Variants in SPATA6 observed in about 807,000 individuals in gnomAD.
SPATA6 encodes the protein spermatogenesis-associated protein 6.
A neutral mutation model predicts 65.3 loss-of-function variants in SPATA6; 56 were observed. That is an observed-to-expected ratio of 0.86 (90% confidence interval 0.69 to 1.07). The LOEUF is 1.07. SPATA6 is among the 50% of genes least tolerant of loss of function. SPATA6 has a pLI of 0.00. For missense variants in SPATA6, 590 were observed against 594.8 expected (o/e 0.99, Z 0.08); for synonymous variants, 199 against 213.2 (o/e 0.93, Z 0.58).
At chr1:48,427,781 G>A (rs1653978911) in intron 3 of SPATA6, among the ~76,000 whole-genome samples, 1 of 152,136 alleles carries the variant, frequency 6.6e-6, no homozygotes, top group African/African-American at 2.4e-5. Context: ...ACTGCATGAT[G>A]CTGAGGTATG....
intron 9 of SPATA6, among the ~76,000 whole-genome samples, chr1:48,377,061 C>T (rs1315765128): frequency 2.0e-5 from 3 of 152,078 alleles, no homozygotes; most frequent in Non-Finnish European, 4.4e-5. Context: ...ATCTCTACGG[C>T]TATCACCCTC....
At chr1:48,281,342 G>T in the SPATA6 span, among the ~76,000 whole-genome samples, 76 of 151,530 alleles carry the variant, frequency 5.0e-4, no homozygotes, top group African/African-American at 1.7e-3. Context: ...AGGGCAATTA[G>T]GCAGGAGAAG....
intron 11 of SPATA6, chr1:48,325,067 G>T: frequency 2.8e-6 from 1 of 357,578 alleles, no homozygotes; most frequent in South Asian, 5.7e-5. Flanking sequence ...ATTTCTCCAT[G>T]ACCAAAAATA....
At position 48,411,570 on chromosome 1, in the gene SPATA6, G is replaced by T; in HGVS notation, c.299C>A (p.Thr100Lys). 1 of 1,601,130 alleles carries T rather than the reference G, an allele frequency of 6.2e-7. No homozygotes were observed. Among genetic ancestry groups the T allele is most frequent in the Non-Finnish European group, 8.5e-7 (1 of 1,174,256 alleles). Residue 100 changes from threonine (T) to lysine (K), a missense_variant, in exon 5 of 13, where the codon ACG (threonine) becomes AAG (lysine). Coordinates refer to ENST00000371847, the MANE Select transcript of SPATA6 (RefSeq NM_019073.4). ...LVPPVGETLS[T>K]YDENTRDFMF... ...GAAATCTCGTGTATTTTCGTCATAC[G>T]TAGACAGTGTTTCACCCACTACAAG...
intron 9 of SPATA6, among the ~76,000 whole-genome samples, chr1:48,367,527 A>G (rs1647063732): frequency 6.6e-6 from 1 of 152,174 alleles, no homozygotes; most frequent in South Asian, 2.1e-4. Flanking sequence ...TTCTTGTTGA[A>G]TTGATCCCTT....
chr1:48,435,701 G>T (rs894088813), intron 3 of SPATA6, among the ~76,000 whole-genome samples: 2 of 152,164 alleles, frequency 1.3e-5, no homozygotes, highest in Admixed American at 6.5e-5. Context: ...AAAACGCACC[G>T]AGAGTTCCAA....
At chr1:48,368,418 A>T (rs1342109249) in intron 9 of SPATA6, among the ~76,000 whole-genome samples, 1 of 152,168 alleles carries the variant, frequency 6.6e-6, no homozygotes, top group African/African-American at 2.4e-5. Context: ...TCTCCCCGTC[A>T]CTTTCAGGTA....
At chr1:48,464,296 CAT>C (rs1657655051) in intron 1 of SPATA6, among the ~76,000 whole-genome samples, 1 of 152,060 alleles carries the variant, frequency 6.6e-6, no homozygotes, top group Non-Finnish European at 1.5e-5. Context: ...TAGCCATCAA[CAT>C]AAAGACAAGG....
At chr1:48,340,448 T>C (rs1323610055) in intron 11 of SPATA6, among the ~76,000 whole-genome samples, 1 of 151,480 alleles carries the variant, frequency 6.6e-6, no homozygotes, top group Non-Finnish European at 1.5e-5. Context: ...TCAATAACTT[T>C]AAAGAGGAAG....
At chr1:48,407,990 C>T (rs1386184872) in intron 5 of SPATA6, among the ~76,000 whole-genome samples, 1 of 152,162 alleles carries the variant, frequency 6.6e-6, no homozygotes, top group African/African-American at 2.4e-5. Flanking sequence ...TATGTTTCCA[C>T]ACAGATCTTG....
intron 11 of SPATA6, among the ~76,000 whole-genome samples, chr1:48,354,261 T>G (rs551663844): frequency 2.0e-5 from 3 of 152,160 alleles, no homozygotes; most frequent in African/African-American, 7.2e-5. Flanking sequence ...AGGGAGGATG[T>G]GAAACAAGTA....
chr1:48,393,469 T>A (rs74886730), intron 8 of SPATA6, among the ~76,000 whole-genome samples: 2 of 152,136 alleles, frequency 1.3e-5, no homozygotes, highest in Admixed American at 6.5e-5. Flanking sequence ...AAAAGAGGCA[T>A]GGCAGCTGAA....
chr1:48,360,473 G>C (rs567970730), intron 9 of SPATA6, among the ~76,000 whole-genome samples: 7 of 152,058 alleles, frequency 4.6e-5, no homozygotes, highest in Non-Finnish European at 7.4e-5. Context: ...AAGACCGTAA[G>C]ACCTAAGTCA....
chr1:48,263,864 T>G, the SPATA6 span, among the ~76,000 whole-genome samples: 1 of 152,204 alleles, frequency 6.6e-6, no homozygotes, highest in Non-Finnish European at 1.5e-5. Context: ...TCTCACTCTG[T>G]TGCCCAGGCT....
intron 3 of SPATA6, chr1:48,435,926 G>C: frequency 6.4e-7 from 1 of 1,560,520 alleles, no homozygotes; most frequent in South Asian, 1.1e-5. Flanking sequence ...CTTTGGAATA[G>C]ATGGATTTTT....
chr1:48,357,827 G>A (rs751814964), intron 10 of SPATA6, among the ~76,000 whole-genome samples: 28 of 151,966 alleles, frequency 1.8e-4, no homozygotes, highest in Non-Finnish European at 2.9e-5. Context: ...CAAATCAAAG[G>A]TGTTCTGCTT....
At chr1:48,376,670 T>C (rs1488118481) in intron 9 of SPATA6, among the ~76,000 whole-genome samples, 1 of 152,144 alleles carries the variant, frequency 6.6e-6, no homozygotes, top group African/African-American at 2.4e-5. Context: ...AAGTATGCAT[T>C]GCTTAACAAT....
chr1:48,263,444 C>T, the SPATA6 span, among the ~76,000 whole-genome samples: 1 of 151,940 alleles, frequency 6.6e-6, no homozygotes, highest in East Asian at 1.9e-4. Context: ...ATTGTCAATA[C>T]CCACCGATGT....
At chr1:48,308,077 A>G (rs1645105729) in intron 11 of SPATA6, among the ~76,000 whole-genome samples, 1 of 151,950 alleles carries the variant, frequency 6.6e-6, no homozygotes, top group Non-Finnish European at 1.5e-5. Context: ...AATATTTTAA[A>G]TATCATGAAC....
Sources: allele counts gnomAD v4.1 joint callset (sites outside exome capture counted in the v4.1 genomes callset), GRCh38; gene constraint gnomAD v4.1.1; transcripts MANE v1.5; gene names NCBI Gene and HGNC (gene_info 2026-07-23, HGNC 2026-07-21).